OTUD7B: variants seen among roughly 807,000 people sequenced by gnomAD.
OTUD7B encodes the protein OTU deubiquitinase 7B.
Under a neutral mutation model 82.2 loss-of-function variants are expected in OTUD7B, and 34 were observed. That is an observed-to-expected ratio of 0.41 (90% CI 0.31 to 0.55). The LOEUF (loss-of-function observed/expected upper bound fraction) is 0.55, where lower values mean the gene tolerates loss of function less well. OTUD7B is among the 20% of genes least tolerant of loss of function. The pLI is 0.20. For missense variants in OTUD7B, 944 were observed against 1,062.1 expected (o/e 0.89, Z 1.55); for synonymous variants, 398 against 402.7 (o/e 0.99, Z 0.14).
At chr1:150,048,699 A>G in the OTUD7B span, 10 of 152,200 alleles carry the variant, frequency 6.6e-5, no homozygotes, top group Admixed American at 6.5e-4. Context: ...AAATTGTATT[A>G]ATACACTACT....
chr1:149,975,367 A>G (rs1260339493), intron 2 of OTUD7B, among the ~76,000 whole-genome samples: 1 of 152,254 alleles, frequency 6.6e-6, no homozygotes, highest in African/African-American at 2.4e-5. Flanking sequence ...GCTTACAGCC[A>G]TACTCTGAAA....
the OTUD7B span, among the ~76,000 whole-genome samples, chr1:150,046,614 AT>A: frequency 4.0e-4 from 54 of 135,428 alleles, no homozygotes; most frequent in Non-Finnish European, 4.6e-4. Context: ...CACCTGGCTA[AT>A]TTTTTTTTTT....
chr1:150,047,336 A>G, the OTUD7B span, among the ~76,000 whole-genome samples: 1 of 152,176 alleles, frequency 6.6e-6, no homozygotes, highest in Non-Finnish European at 1.5e-5. Flanking sequence ...CACCACATTT[A>G]TAACTGCAAA....
At chr1:150,030,136 C>T in the OTUD7B span, among the ~76,000 whole-genome samples, 3,334 of 152,176 alleles carry the variant, frequency 0.022, 113 homozygotes, top group African/African-American at 0.073. Context: ...AGTTAGAAAA[C>T]GCTTCTCTCA....
At chr1:149,997,898 G>C (rs587760776) in intron 1 of OTUD7B, among the ~76,000 whole-genome samples, 1 of 151,994 alleles carries the variant, frequency 6.6e-6, no homozygotes. Flanking sequence ...TCAAAAGAAC[G>C]GACGATACAC....
At chr1:150,031,773 G>A in the OTUD7B span, among the ~76,000 whole-genome samples, 1 of 152,188 alleles carries the variant, frequency 6.6e-6, no homozygotes, top group Non-Finnish European at 1.5e-5. Flanking sequence ...GTAAAGCAGA[G>A]ATAGTGATAG....
At chr1:149,989,774 G>A (rs1651440483) in intron 1 of OTUD7B, among the ~76,000 whole-genome samples, 1 of 97,640 alleles carries the variant, frequency 1.0e-5, no homozygotes, top group South Asian at 4.2e-4. Context: ...GGGGGCGGGG[G>A]GAGGGAGGGA....
rs6699471 is a variant in OTUD7B, at chr1:149,946,471, G to A, written c.1323+780C>T. On this transcript the variant is annotated intron_variant, in intron 11 of 11. Transcript: ENST00000581312. ...AAAAAGCAGGAAAGGGCTGGGTGTG[G>A]TGGCTCATGCCTGTAATCCCAGAAC... 2.5e-3 allele frequency among the ~76,000 whole-genome samples: 377 copies of A among 152,230 alleles called. 1 individual carries two copies. The highest frequency in any genetic ancestry group is 8.8e-3 in the African/African-American group (366 of 41,530).
Position 149,943,743 on chromosome 1 carries a change from G to T in OTUD7B, c.*114C>A. On this transcript the variant is annotated 3_prime_UTR_variant, in exon 12 of 12. Transcript: ENST00000581312. ...CACACACTTAAAAGTTTCCAGCCAGGCTCCCACAAACATTACTGCATTTTC... is the reference window on the plus strand; with the variant it reads ...CACACACTTAAAAGTTTCCAGCCAGTCTCCCACAAACATTACTGCATTTTC... 1 of 1,165,188 alleles carries T rather than the reference G, an allele frequency of 8.6e-7. No homozygotes were observed. The highest frequency in any genetic ancestry group is 1.2e-6 in the Non-Finnish European group (1 of 803,276). The allele number at this position is 1,165,188 out of a possible 1,614,324, so 72.2% of individuals were successfully genotyped here.
chr1:149,971,007 T>A, intron 3 of OTUD7B, 56 bp downstream of exon 3: 1 of 1,412,090 alleles, frequency 7.1e-7, no homozygotes, highest in Non-Finnish European at 9.6e-7. Context: ...TGACTCCATT[T>A]AACAATCCCC....
At chr1:150,041,881 T>C in the OTUD7B span, among the ~76,000 whole-genome samples, 15 of 152,228 alleles carry the variant, frequency 9.9e-5, no homozygotes, top group East Asian at 9.6e-4. Context: ...GTTTGGTTCA[T>C]TGATTTTCAA....
At chr1:150,041,548 G>A in the OTUD7B span, among the ~76,000 whole-genome samples, 5 of 152,120 alleles carry the variant, frequency 3.3e-5, no homozygotes, top group African/African-American at 1.2e-4. Context: ...TGGCCAGGCT[G>A]GTCTCAAACT....
chr1:149,966,678 G>C (rs1649538011), intron 4 of OTUD7B, among the ~76,000 whole-genome samples: 1 of 151,820 alleles, frequency 6.6e-6, no homozygotes. Context: ...TGAAAAACTG[G>C]CTTATAAACT....
intron 5 of OTUD7B, among the ~76,000 whole-genome samples, chr1:149,965,091 C>T (rs1032536733): frequency 3.9e-5 from 6 of 151,954 alleles, no homozygotes; most frequent in Non-Finnish European, 7.4e-5. Flanking sequence ...TGGGGTTTCA[C>T]CGTGTTGGCC....
At chr1:149,945,298 G>A (rs587680011) in intron 11 of OTUD7B, among the ~76,000 whole-genome samples, 1 of 152,272 alleles carries the variant, frequency 6.6e-6, no homozygotes, top group South Asian at 2.1e-4. Context: ...GGGTCACCCA[G>A]GATGGCACTG....
rs782106673 is a variant in OTUD7B, at chr1:149,944,442, C to T, written c.1947G>A (p.Glu649=). ...CTATTCCTCCATTCATGATCTTCCT[C>T]TCTGCCTCCTTCTGCTTCTGTTCTG... The part of the protein sequence containing the change: ...FLAEQKQKEA[E]RKIMNGGIGG... Residue 649 remains glutamate (E), a synonymous_variant, in exon 12 of 12, where the codon GAG becomes GAA. Transcript: ENST00000581312. 5 of 1,614,060 alleles carry T rather than the reference C, an allele frequency of 3.1e-6. No homozygotes were observed. Among genetic ancestry groups the T allele is most frequent in the Non-Finnish European group, 4.2e-6 (5 of 1,180,042 alleles).
the OTUD7B span, among the ~76,000 whole-genome samples, chr1:150,056,350 A>G: frequency 6.6e-6 from 1 of 152,222 alleles, no homozygotes; most frequent in Non-Finnish European, 1.5e-5. Flanking sequence ...AAGTTATTCT[A>G]AAATTCATCT....
At chr1:150,013,947 T>TATATATACAC (rs782181773), upstream of OTUD7B, among the ~76,000 whole-genome samples, 70 of 104,380 alleles carry the variant, frequency 6.7e-4, no homozygotes, top group Non-Finnish European at 1.0e-3. Flanking sequence ...AATATATATA[T>TATATATACAC]ACACACACAC....
At position 149,981,382 on chromosome 1, in the gene OTUD7B, T is replaced by C. The variant is rs145622108; in HGVS notation, c.-66-3806A>G. On this transcript the variant is annotated intron_variant, in intron 1 of 11. Coordinates refer to ENST00000581312, the MANE Select transcript of OTUD7B (RefSeq NM_020205.4). ...CATTACTTTGCTATAATGTCTACTT[T>C]ATTACTGGACAGCTTTAACTGTTAG... Among the ~76,000 whole-genome samples, 291 of 152,324 alleles carry C rather than the reference T, an allele frequency of 1.9e-3. 2 individuals are homozygous for C. Among genetic ancestry groups the C allele is most frequent in the African/African-American group, 6.8e-3 (281 of 41,558 alleles).
Sources: allele counts gnomAD v4.1 joint callset (sites outside exome capture counted in the v4.1 genomes callset), GRCh38; gene constraint gnomAD v4.1.1; transcripts MANE v1.5; gene names NCBI Gene and HGNC (gene_info 2026-07-23, HGNC 2026-07-21).